Variants in NRG3 observed in about 807,000 individuals in gnomAD.
The protein encoded by NRG3 is neuregulin 3.
Under a neutral mutation model 66.9 loss-of-function variants are expected in NRG3, and 31 were observed. That is an observed-to-expected ratio of 0.46 (90% CI 0.35 to 0.63). The LOEUF (loss-of-function observed/expected upper bound fraction) is 0.63. Among genes scored for constraint, NRG3 ranks in the 20% least tolerant of loss-of-function variants. NRG3 has a pLI of 0.00. For synonymous variants in NRG3, 393 were observed against 359.4 expected, an observed-to-expected ratio of 1.09 and a Z score of -1.06; for missense variants, 910 against 878.9, an observed-to-expected ratio of 1.04 and a Z score of -0.45.
chr10:82,124,752 A>G (rs968075474), intron 1 of NRG3, among the ~76,000 whole-genome samples: 1 of 151,944 alleles, frequency 6.6e-6, no homozygotes, highest in Non-Finnish European at 1.5e-5. Flanking sequence ...AAGTTTAACA[A>G]GTTTGGATGC....
At chr10:82,944,510 A>T (rs1401100037) in intron 4 of NRG3, among the ~76,000 whole-genome samples, 1 of 152,184 alleles carries the variant, frequency 6.6e-6, no homozygotes, top group Non-Finnish European at 1.5e-5. Context: ...AATTTAATGA[A>T]CTTGCAAATG....
intron 3 of NRG3, among the ~76,000 whole-genome samples, chr10:82,791,456 A>T (rs1485148647): frequency 1.3e-5 from 2 of 152,188 alleles, no homozygotes; most frequent in South Asian, 4.1e-4. Context: ...TTCATCAAGT[A>T]GAACTCTCTT....
At chr10:82,849,004 T>C (rs766751604) in intron 3 of NRG3, among the ~76,000 whole-genome samples, 78 of 152,314 alleles carry the variant, frequency 5.1e-4, no homozygotes, top group Non-Finnish European at 8.8e-4. Flanking sequence ...ATTAGCAGTA[T>C]GAGAATGGGC....
In NRG3 at chr10:82,751,025, G is replaced by A. The variant is rs114974626; in HGVS notation, c.1027+12375G>A. Among the ~76,000 whole-genome samples the A allele has an allele frequency of 4.7e-3, 721 of 152,214 alleles. 4 individuals carry two copies. Among genetic ancestry groups the A allele is most frequent in the African/African-American group, 0.016 (665 of 41,544 alleles). On this transcript the variant is annotated intron_variant, in intron 3 of 8. Coordinates refer to ENST00000372141, the MANE Select transcript of NRG3 (RefSeq NM_001010848.4). The stretch of plus-strand genomic sequence containing the variant: ...CGTATATAACCTAATTCTTGTACAT[G>A]ATACGCACTTGACAAAACTGTGAAC...
intron 1 of NRG3, among the ~76,000 whole-genome samples, chr10:82,160,272 TC>T (rs1451000396): frequency 2.0e-5 from 3 of 152,000 alleles, no homozygotes; most frequent in Non-Finnish European, 2.9e-5. Context: ...GCAACACTCT[TC>T]TTCACCAGTC....
At chr10:82,155,462 T>C (rs2071116901) in intron 1 of NRG3, among the ~76,000 whole-genome samples, 1 of 151,838 alleles carries the variant, frequency 6.6e-6, no homozygotes, top group Admixed American at 6.6e-5. Context: ...ATTACTGTAA[T>C]TATGAAAGAG....
chr10:82,148,516 T>A (rs2070434903), intron 1 of NRG3, among the ~76,000 whole-genome samples: 1 of 152,158 alleles, frequency 6.6e-6, no homozygotes, highest in Non-Finnish European at 1.5e-5. Context: ...TTATTTTTTT[T>A]TCCTACCTAT....
chr10:82,872,709 A>ATT (rs1841448068), intron 4 of NRG3, among the ~76,000 whole-genome samples: 3 of 151,888 alleles, frequency 2.0e-5, no homozygotes, highest in African/African-American at 7.3e-5. Flanking sequence ...TGCTCTAAAA[A>ATT]AAGTTTAGGC....
At chr10:82,396,572 C>T (rs1307818256) in intron 2 of NRG3, among the ~76,000 whole-genome samples, 1 of 152,166 alleles carries the variant, frequency 6.6e-6, no homozygotes, top group African/African-American at 2.4e-5. Flanking sequence ...CAACCAATCG[C>T]TGACTGACTT....
At chr10:81,989,952 G>A (rs997605911) in intron 1 of NRG3, among the ~76,000 whole-genome samples, 4 of 152,136 alleles carry the variant, frequency 2.6e-5, no homozygotes, top group African/African-American at 7.2e-5. Context: ...TAAATTAGGA[G>A]AAGGCTAATT....
At chr10:81,895,227 G>A (rs568363496) in intron 1 of NRG3, among the ~76,000 whole-genome samples, 13 of 152,252 alleles carry the variant, frequency 8.5e-5, no homozygotes, top group African/African-American at 2.6e-4. Flanking sequence ...AGGCTTTGCT[G>A]ATCATTGACA....
intron 4 of NRG3, among the ~76,000 whole-genome samples, chr10:82,913,123 G>T (rs770075577): frequency 6.6e-6 from 1 of 152,126 alleles, no homozygotes; most frequent in Non-Finnish European, 1.5e-5. Flanking sequence ...TACTCTGGAG[G>T]CTGAGGCAGG....
intron 1 of NRG3, among the ~76,000 whole-genome samples, chr10:81,885,916 T>C (rs529304772): frequency 2.6e-5 from 4 of 152,172 alleles, no homozygotes; most frequent in Non-Finnish European, 5.9e-5. Context: ...AAATGGGCTG[T>C]AGAAATGTTT....
At chr10:82,100,969 G>A (rs2066693584) in intron 1 of NRG3, among the ~76,000 whole-genome samples, 1 of 151,960 alleles carries the variant, frequency 6.6e-6, no homozygotes, top group African/African-American at 2.4e-5. Context: ...AAATGATCGA[G>A]GTCTGGAGTT....
chr10:82,413,361 C>T (rs11812850), intron 2 of NRG3, among the ~76,000 whole-genome samples: 34,983 of 152,044 alleles, frequency 0.23, 4,937 homozygotes, highest in African/African-American at 0.39. Context: ...AAGAATCTTT[C>T]TTTGTGTGAG....
intron 2 of NRG3, among the ~76,000 whole-genome samples, chr10:82,403,335 A>G (rs1199823705): frequency 6.6e-6 from 1 of 151,194 alleles, no homozygotes; most frequent in African/African-American, 2.4e-5. Flanking sequence ...AAAAATACAC[A>G]CTCCTCCCCC....
chr10:82,636,814 C>CTGTGTGTG (rs370092362), intron 2 of NRG3, among the ~76,000 whole-genome samples: 1 of 150,124 alleles, frequency 6.7e-6, no homozygotes, highest in African/African-American at 2.5e-5. Flanking sequence ...CTCTTGTGGG[C>CTGTGTGTG]TGTGTGTGTG....
At chr10:81,942,603 A>G (rs1194510414) in intron 1 of NRG3, among the ~76,000 whole-genome samples, 2 of 152,152 alleles carry the variant, frequency 1.3e-5, no homozygotes, top group Non-Finnish European at 2.9e-5. Context: ...TACATTGTGA[A>G]GATAAAGATT....
At chr10:82,676,954 C>A (rs2053736175) in intron 2 of NRG3, among the ~76,000 whole-genome samples, 1 of 151,796 alleles carries the variant, frequency 6.6e-6, no homozygotes, top group South Asian at 2.1e-4. Context: ...TCTTAGATAT[C>A]TGAACTCTTA....
Sources: allele counts gnomAD v4.1 joint callset (sites outside exome capture counted in the v4.1 genomes callset), GRCh38; gene constraint gnomAD v4.1.1; transcripts MANE v1.5; gene names NCBI Gene and HGNC (gene_info 2026-07-23, HGNC 2026-07-21).